Variants in C4orf51 observed in about 807,000 individuals in gnomAD.
The protein encoded by C4orf51 is uncharacterized protein C4orf51.
Under a neutral mutation model 25.2 loss-of-function variants are expected in C4orf51, and 25 were observed. That is an observed-to-expected ratio of 0.99 (90% confidence interval 0.72 to 1.39). The LOEUF (loss-of-function observed/expected upper bound fraction) is 1.39, where lower values mean the gene tolerates loss of function less well. Among genes scored for constraint, C4orf51 ranks in the 40% most tolerant of loss-of-function variants. The pLI, the probability that C4orf51 is intolerant of heterozygous loss-of-function variation, is 0.00. For missense variants in C4orf51, 252 were observed against 239.6 expected (o/e 1.05, Z -0.34); for synonymous variants, 100 against 84.5 (o/e 1.18, Z -1.01).
At chr4:145,744,521 C>T (rs1209359719) in intron 1 of C4orf51, among the ~76,000 whole-genome samples, 2 of 152,050 alleles carry the variant, frequency 1.3e-5, no homozygotes, top group Admixed American at 1.3e-4. Context: ...TGTCTGATGC[C>T]ATAAAGAGAT....
chr4:145,685,866 A>C (rs988263029), intron 1 of C4orf51, among the ~76,000 whole-genome samples: 1 of 152,176 alleles, frequency 6.6e-6, no homozygotes, highest in African/African-American at 2.4e-5. Context: ...AAAATGTCTA[A>C]ATATATAGAA....
chr4:145,732,146 A>G (rs1244855860), intron 5 of C4orf51, among the ~76,000 whole-genome samples: 1 of 152,208 alleles, frequency 6.6e-6, no homozygotes, highest in African/African-American at 2.4e-5. Flanking sequence ...ATTCACATCC[A>G]GGAATGTGGG....
At chr4:145,697,299 C>T (rs1265089145) in intron 2 of C4orf51, among the ~76,000 whole-genome samples, 1 of 151,992 alleles carries the variant, frequency 6.6e-6, no homozygotes. Context: ...GGGATTTCAC[C>T]ATGTTGGCCA....
intron 1 of C4orf51, among the ~76,000 whole-genome samples, chr4:145,693,829 C>T (rs1442308834): frequency 1.5e-4 from 5 of 32,890 alleles, no homozygotes; most frequent in Non-Finnish European, 2.3e-4. Context: ...GGCGGCTGGC[C>T]GGGCGGGGGG....
the C4orf51 span, among the ~76,000 whole-genome samples, chr4:145,790,415 C>A: frequency 6.6e-6 from 1 of 152,126 alleles, no homozygotes; most frequent in African/African-American, 2.4e-5. Context: ...TAGAAATACT[C>A]TGAGTTTAGA....
chr4:145,761,134 C>T lies in C4orf51; in HGVS notation n.167-9854C>T, dbSNP rs540108033. ...GACCACCAGGAGCGGGGCCCCCGGG[C>T]CGGCCGGTTCCTTGGGGGCTGGACA... On this transcript the variant is annotated intron_variant and non_coding_transcript_variant, in intron 1 of 1. Coordinates refer to the C4orf51 transcript ENST00000510096. The surrounding 1 kb of genome is among the most constrained non-coding windows in gnomAD (Gnocchi z 6.8). 2 of 1,289,684 alleles carry T rather than the reference C, an allele frequency of 1.6e-6. No individual in the cohort carries two copies. Among genetic ancestry groups the T allele is most frequent in the Admixed American group, 2.3e-5 (1 of 43,572 alleles). 79.9% of individuals were successfully genotyped at this position (1,289,684 alleles called of 1,614,324 possible). A position where few individuals can be genotyped will look rare whatever the true frequency, so the allele number is the denominator to read the frequency against.
rs745468947 is a variant in C4orf51 at position 145,761,046 on chromosome 4, G to C, written n.167-9942G>C. The C allele has an allele frequency of 2.8e-4, 367 of 1,287,892 alleles. No homozygotes were observed. Among genetic ancestry groups the C allele is most frequent in the Non-Finnish European group, 3.5e-4 (345 of 987,574 alleles). The allele number at this position is 1,287,892 out of a possible 1,614,324, so 79.8% of individuals were successfully genotyped here. ...TGCCGTGGGCTGCCGACAGGGCCAC[G>C]GTCTGCAGAGCCTGGGAGGCAGACA... is the stretch of plus-strand genomic sequence containing the variant. On this transcript the variant is annotated intron_variant and non_coding_transcript_variant, in intron 1 of 1. Transcript: ENST00000510096. This position sits in a 1 kb window ranked among gnomAD's most constrained non-coding sequence, Gnocchi z 6.8.
chr4:145,756,938 ATTATAT>A (rs1254976070), downstream of C4orf51, among the ~76,000 whole-genome samples: 3 of 152,240 alleles, frequency 2.0e-5, no homozygotes, highest in Non-Finnish European at 2.9e-5. Flanking sequence ...AGCAAAGGAC[ATTATAT>A]TTATAAGCAT....
chr4:145,778,426 G>T, the C4orf51 span, among the ~76,000 whole-genome samples: 1 of 152,124 alleles, frequency 6.6e-6, no homozygotes, highest in Non-Finnish European at 1.5e-5. Flanking sequence ...GAGCCATCGC[G>T]CCCGACAACA....
At chr4:145,715,468 GCT>G (rs1731358517) in intron 2 of C4orf51, among the ~76,000 whole-genome samples, 1 of 152,160 alleles carries the variant, frequency 6.6e-6, no homozygotes, top group Non-Finnish European at 1.5e-5. Flanking sequence ...GGGCTGAGGA[GCT>G]CTCTCTTGGC....
At chr4:145,734,242 G>C (rs1371611685), downstream of C4orf51, among the ~76,000 whole-genome samples, 1 of 152,180 alleles carries the variant, frequency 6.6e-6, no homozygotes, top group Non-Finnish European at 1.5e-5. Flanking sequence ...GTTAGGGCTT[G>C]TGTCCAAGAA....
chr4:145,705,130 G>A (rs1730718538), intron 2 of C4orf51, among the ~76,000 whole-genome samples: 1 of 152,158 alleles, frequency 6.6e-6, no homozygotes, highest in African/African-American at 2.4e-5. Context: ...CTCATTTGAG[G>A]CATTCTTCCC....
chr4:145,779,461 A>G, the C4orf51 span: 3 of 1,614,124 alleles, frequency 1.9e-6, no homozygotes, highest in Admixed American at 3.3e-5. Context: ...TGGTCATTGA[A>G]TTTCCAGGAT....
In C4orf51 at chr4:145,726,924, T is replaced by G. The variant is rs1560850247; in HGVS notation, c.321T>G (p.Asp107Glu). Residue 107 changes from aspartate (D) to glutamate (E), a missense_variant, in exon 3 of 6, where the codon GAT becomes GAG. Asp to Glu is a conservative substitution (Grantham distance 45). Coordinates refer to ENST00000438731, the MANE Select transcript of C4orf51 (RefSeq NM_001080531.3). ...ATGTGCATGCAGGACTATTCCCTGA[T>G]ATAACCAGGCCCTTTAAAAAGTCAT... Reference protein sequence around the residue: ...ETTDIKGLFPDITRPFKKSFD... With the variant: ...ETTDIKGLFPEITRPFKKSFD... The G allele has an allele frequency of 6.2e-7, 1 of 1,613,468 alleles. No homozygotes were observed. Among genetic ancestry groups the G allele is most frequent in the East Asian group, 2.2e-5 (1 of 44,860 alleles).
the C4orf51 span, among the ~76,000 whole-genome samples, chr4:145,786,390 A>AT: frequency 6.6e-6 from 1 of 152,248 alleles, no homozygotes; most frequent in Non-Finnish European, 1.5e-5. Context: ...ATTGGCCAAA[A>AT]TATGACCTCA....
rs1185808382 is a variant in C4orf51 at position 145,761,156 on chromosome 4, GACA to G, written n.167-9831_167-9829del. Reference sequence around the variant, plus strand: ...GGGCCGGCCGGTTCCTTGGGGGCTGGACACAGGCCCTTCTTGTCCTCCTCGGGG... The same window carrying G: ...GGGCCGGCCGGTTCCTTGGGGGCTGGCAGGCCCTTCTTGTCCTCCTCGGGG... On this transcript the variant is annotated intron_variant and non_coding_transcript_variant, in intron 1 of 1. Transcript: ENST00000510096. The surrounding 1 kb of genome is among the most constrained non-coding windows in gnomAD (Gnocchi z 6.8). 7.8e-7 allele frequency: 1 copy of G among 1,289,744 alleles called. No individual in the cohort carries two copies. The highest frequency in any genetic ancestry group is 1.0e-6 in the Non-Finnish European group (1 of 988,886). 79.9% of individuals were successfully genotyped at this position (1,289,744 alleles called of 1,614,324 possible). A position where few individuals can be genotyped will look rare whatever the true frequency, so the allele number is the denominator to read the frequency against.
At chr4:145,785,708 C>A in the C4orf51 span, among the ~76,000 whole-genome samples, 9 of 152,302 alleles carry the variant, frequency 5.9e-5, no homozygotes, top group Middle Eastern at 3.4e-3. Flanking sequence ...CCCCAGGTAA[C>A]CTGGCTAGTG....
In C4orf51 at chr4:145,687,010, G is replaced by GA. The variant is rs113427500; in HGVS notation, c.233+6574_233+6575insA. Reference sequence around the variant, plus strand: ...GAAGACATTGGATCTTGTGGGGGGGGCGGTTTCCTTCTACCCCTTTGAAAG... The same window carrying GA: ...GAAGACATTGGATCTTGTGGGGGGGGACGGTTTCCTTCTACCCCTTTGAAAG... On this transcript the variant is annotated intron_variant, in intron 1 of 5. Coordinates refer to ENST00000438731, the MANE Select transcript of C4orf51 (RefSeq NM_001080531.3). 9.7e-3 allele frequency among the ~76,000 whole-genome samples: 1,046 copies of GA among 107,900 alleles called. 7 individuals are homozygous for GA. The highest frequency in any genetic ancestry group is 0.052 in the Middle Eastern group (10 of 194). 70.8% of individuals were successfully genotyped at this position (107,900 alleles called of 152,430 possible).
intron 1 of C4orf51, among the ~76,000 whole-genome samples, chr4:145,747,166 C>A (rs1051277855): frequency 6.6e-6 from 1 of 152,024 alleles, no homozygotes; most frequent in African/African-American, 2.4e-5. Flanking sequence ...TAACTTCTTT[C>A]TTTCCAATTT....
Sources: gnomAD v4.1 joint callset for allele counts (sites outside exome capture counted in the v4.1 genomes callset) on GRCh38, gnomAD v4.1.1 for gene constraint, Gnocchi (gnomAD v3.1) non-coding constraint, MANE v1.5 for transcripts, NCBI Gene and HGNC (gene_info 2026-07-23, HGNC 2026-07-21) for gene names.